HSPA8: variants seen among roughly 807,000 people sequenced by gnomAD.
The protein encoded by HSPA8 is heat shock cognate 71 kDa protein.
Under a neutral mutation model 52.8 loss-of-function variants are expected in HSPA8, and 2 were observed. The observed-to-expected ratio is 0.04, with a 90% CI of 0.02 to 0.12. HSPA8 has a LOEUF of 0.12. Among genes scored for constraint, HSPA8 ranks in the 10% least tolerant of loss-of-function variants. The pLI, the probability that HSPA8 is intolerant of heterozygous loss-of-function variation, is 1.00. For missense variants in HSPA8, 349 were observed against 800.5 expected (o/e 0.44, Z 6.81); for synonymous variants, 436 against 274.0 (o/e 1.59, Z -5.84).
chr11:123,061,906 A>G (rs1284007697), intron 1 of HSPA8, 158 bp downstream of exon 1: 1 of 157,526 alleles, frequency 6.3e-6, no homozygotes, highest in Non-Finnish European at 1.4e-5. Flanking sequence ...TACCGCTGCC[A>G]TCCCACCGAA....
At position 123,060,611 on chromosome 11, in the gene HSPA8, T is replaced by C. The variant is rs769361497; in HGVS notation, c.393A>G (p.Ala131=). 1.2e-6 allele frequency: 2 copies of C among 1,613,744 alleles called. No homozygotes were observed. The highest frequency in any genetic ancestry group is 1.7e-6 in the Non-Finnish European group (2 of 1,179,696). ...SMVLTKMKEI[A]EAYLGKTVTN... ...ACCTCACCTTCCCAAGGTAGGCTTC[T>C]GCAATTTCCTTCATCTTTGTCAGAA... is the stretch of plus-strand genomic sequence containing the variant. The change falls in exon 3 of 9, where the codon GCA becomes GCG. Residue 131 remains alanine (A), a synonymous_variant. Coordinates refer to ENST00000534624, the MANE Select transcript of HSPA8 (RefSeq NM_006597.6).
At position 123,059,891 on chromosome 11, in the gene HSPA8, G is replaced by A. The variant is rs1177596300; in HGVS notation, c.702C>T (p.Asp234=). ...CAATAAAATGGTTGACCATTCGGTT[G>A]TCAAAATCTTCTCCACCCAAGTGGG... ...GDTHLGGEDF[D]NRMVNHFIAE... is the part of the protein sequence containing the mutation. The change falls in exon 5 of 9, where the codon GAC becomes GAT. Residue 234 remains aspartate, a synonymous_variant. Transcript: ENST00000534624. The A allele has an allele frequency of 6.8e-6, 11 of 1,613,386 alleles. No homozygotes were observed. The highest frequency in any genetic ancestry group is 1.8e-4 in the Middle Eastern group (1 of 5,698).
In HSPA8 at chr11:123,058,394, G is replaced by A. The variant is rs1865381905; in HGVS notation, c.1613C>T (p.Ser538Phe). The change falls in exon 8 of 9, where the codon TCC (serine) becomes TTC (phenylalanine). Residue 538 changes from serine (S) to phenylalanine (F), a missense_variant. Transcript: ENST00000534624. ...GGCATAGGACTCAAGTGAATTCTTG[G>A]ATGACACCTTGTCCCTCTGCTTCTC... ...EDEKQRDKVS[S>F]KNSLESYAFN... The A allele has an allele frequency of 1.9e-6, 3 of 1,613,726 alleles. No individual in the cohort carries two copies. Among genetic ancestry groups the A allele is most frequent in the Admixed American group, 1.7e-5 (1 of 59,996 alleles).
At position 123,059,217 on chromosome 11, in the gene HSPA8, G is replaced by T; in HGVS notation, c.1165C>A (p.Gln389Lys). ...GTGACATCCAAGAGCAGCAAATCTTGAACATTCTCAGACTTGTCTCCAGAC... is the reference window on the plus strand; with the variant it reads ...GTGACATCCAAGAGCAGCAAATCTTTAACATTCTCAGACTTGTCTCCAGAC... ...ILSGDKSENV[Q>K]DLLLLDVTPL... Residue 389 changes from glutamine (Q) to lysine (K), a missense_variant, in exon 6 of 9, where the codon CAA (glutamine) becomes AAA (lysine). Transcript: ENST00000534624. 1 of 1,612,494 alleles carries T rather than the reference G, an allele frequency of 6.2e-7. No homozygotes were observed. The highest frequency in any genetic ancestry group is 8.5e-7 in the Non-Finnish European group (1 of 1,179,936).
Position 123,059,129 on chromosome 11 carries a change from G to C in HSPA8, c.1253C>G (p.Thr418Ser). ...CTGTGTCTGCTTGGTAGGAATGGTG[G>C]TATTACGCTTGATGAGGACAGTCAT... Reference protein sequence around the residue: ...GVMTVLIKRNTTIPTKQTQTF... With the variant: ...GVMTVLIKRNSTIPTKQTQTF... The change falls in exon 6 of 9, where the codon ACC becomes AGC. Residue 418 changes from threonine (T) to serine (S), a missense_variant. Transcript: ENST00000534624. The C allele has an allele frequency of 6.2e-7, 1 of 1,612,122 alleles. No homozygotes were observed. The highest frequency in any genetic ancestry group is 8.5e-7 in the Non-Finnish European group (1 of 1,179,966).
intron 7 of HSPA8, 58 bp from the exon 8 acceptor site, chr11:123,058,542 T>C: frequency 1.3e-6 from 2 of 1,576,076 alleles, no homozygotes; most frequent in South Asian, 1.1e-5. Flanking sequence ...TGTGTAACTC[T>C]AGTTTCTCTT....
At position 123,059,698 on chromosome 11, in the gene HSPA8, G is replaced by A; in HGVS notation, c.895C>T (p.Arg299Cys). The A allele has an allele frequency of 6.2e-7, 1 of 1,613,924 alleles. No individual in the cohort carries two copies. The highest frequency in any genetic ancestry group is 8.5e-7 in the Non-Finnish European group (1 of 1,179,880). ...EGIDFYTSIT[R>C]ARFEELNADL... ...GCATTCAGTTCTTCAAATCGGGCAC[G>A]GGTAATGGAGGTATAGAAGTCGATT... Residue 299 changes from arginine to cysteine, a missense_variant, in exon 5 of 9, where the codon CGT (arginine) becomes TGT (cysteine). By Grantham distance (180) the Arg-to-Cys change is radical (BLOSUM62 -3). Coordinates refer to ENST00000534624, the MANE Select transcript of HSPA8 (RefSeq NM_006597.6).
chr11:123,061,409 G>A lies in HSPA8; in HGVS notation c.-5-80C>T, dbSNP rs1027078614. ...ATCCCTTAACAGAACACTTAACCAG[G>A]AAAAACGTATGGCCACTGCCAAGAG... is the stretch of plus-strand genomic sequence containing the variant. On this transcript the variant is annotated intron_variant, in intron 1 of 8. Coordinates refer to ENST00000534624, the MANE Select transcript of HSPA8 (RefSeq NM_006597.6). 10 of 1,136,336 alleles carry A rather than the reference G, an allele frequency of 8.8e-6. No homozygotes were observed. In the Middle Eastern group the frequency reaches 7.8e-4, roughly 89 times the overall value. The allele number at this position is 1,136,336 out of a possible 1,614,324, so 70.4% of individuals were successfully genotyped here. A position where few individuals can be genotyped will look rare whatever the true frequency, so the allele number is the denominator to read the frequency against.
intron 6 of HSPA8, 95 bp downstream of exon 6, chr11:123,058,964 A>G: frequency 7.1e-7 from 1 of 1,410,674 alleles, no homozygotes; most frequent in South Asian, 1.2e-5. Context: ...GGTGGAAACT[A>G]CGAATGGTTT....
chr11:123,061,059 T>C, intron 2 of HSPA8, 61 bp downstream of exon 2: 2 of 1,451,802 alleles, frequency 1.4e-6, no homozygotes, highest in Non-Finnish European at 1.9e-6. Context: ...TCACGTTTCA[T>C]AAACTTTTGT....
In HSPA8 at chr11:123,058,243, A is replaced by AAAAC; in HGVS notation, c.1755+8_1755+9insGTTT. The stretch of plus-strand genomic sequence containing the variant: ...TGGGGGAGGAAAAAAAAAAAAAAAA[A>AAAAC]ACACAAACCTGATTCTTATCAAGCC... On this transcript the variant is annotated intron_variant, in intron 8 of 8. Coordinates refer to ENST00000534624, the MANE Select transcript of HSPA8 (RefSeq NM_006597.6). 4 of 1,510,628 alleles carry AAAAC rather than the reference A, an allele frequency of 2.6e-6. No homozygotes were observed. The highest frequency in any genetic ancestry group is 2.7e-6 in the Non-Finnish European group (3 of 1,102,916). The allele number at this position is 1,510,628 out of a possible 1,614,324, so 93.6% of individuals were successfully genotyped here.
rs186830244 is a variant in HSPA8, at chr11:123,062,122, G to A, written c.-64C>T. On this transcript the variant is annotated 5_prime_UTR_variant, in exon 1 of 9. Coordinates refer to ENST00000534624, the MANE Select transcript of HSPA8 (RefSeq NM_006597.6). Reference sequence around the variant, plus strand: ...AGCCACAAAAAACCCAAGAGCTGCAGGCGAGTTCAATGAGACCGGTTTCCG... The same window carrying A: ...AGCCACAAAAAACCCAAGAGCTGCAAGCGAGTTCAATGAGACCGGTTTCCG... 143 of 152,984 alleles carry A rather than the reference G, an allele frequency of 9.3e-4. No homozygotes were observed. Among genetic ancestry groups the A allele is most frequent in the African/African-American group, 1.1e-3 (44 of 41,568 alleles). The allele number at this position is 152,984 out of a possible 1,614,324, so 9.5% of individuals were successfully genotyped here.
At chr11:123,060,325 C>G (rs1865454492) in intron 3 of HSPA8, 57 bp from the exon 4 acceptor site, 1 of 1,516,738 alleles carries the variant, frequency 6.6e-7, no homozygotes. Context: ...TATATGCAAA[C>G]TCCAGCAAAT....
rs1865533172 is a variant in HSPA8, at chr11:123,062,117, CT to C, written c.-60del. On this transcript the variant is annotated 5_prime_UTR_variant, in exon 1 of 9. Transcript: ENST00000534624. The stretch of plus-strand genomic sequence containing the variant: ...AAGGAAGCCACAAAAAACCCAAGAG[CT>C]GCAGGCGAGTTCAATGAGACCGGTT... 6.5e-6 allele frequency: 1 copy of C among 152,930 alleles called. No individual in the cohort carries two copies. The highest frequency in any genetic ancestry group is 1.5e-5 in the Non-Finnish European group (1 of 68,628). The allele number at this position is 152,930 out of a possible 1,614,324, so 9.5% of individuals were successfully genotyped here.
rs1865460516 is a variant in HSPA8 at position 123,060,462 on chromosome 11, G to A, written c.411+131C>T. The A allele has an allele frequency of 7.7e-6, 7 of 903,916 alleles. No individual in the cohort carries two copies. The South Asian group carries it at 9.3e-5, about 12-fold the overall frequency. The allele number at this position is 903,916 out of a possible 1,614,324, so 56.0% of individuals were successfully genotyped here. A position where few individuals can be genotyped will look rare whatever the true frequency, so the allele number is the denominator to read the frequency against. ...ATCTACCTAGAGAGCCTAGGGCACTGTTGGGCACGTGGTCTTAACCCTGAG... is the reference window on the plus strand; with the variant it reads ...ATCTACCTAGAGAGCCTAGGGCACTATTGGGCACGTGGTCTTAACCCTGAG... On this transcript the variant is annotated intron_variant, in intron 3 of 8. Coordinates refer to ENST00000534624, the MANE Select transcript of HSPA8 (RefSeq NM_006597.6).
chr11:123,060,366 C>T, intron 3 of HSPA8, 98 bp from the exon 4 acceptor site: 2 of 1,157,006 alleles, frequency 1.7e-6, no homozygotes, highest in Non-Finnish European at 2.5e-6. Flanking sequence ...ACAGCTGGAG[C>T]ACCCCCCCCA....
intron 8 of HSPA8, 63 bp downstream of exon 8, chr11:123,058,189 G>T: frequency 9.8e-7 from 1 of 1,025,326 alleles, no homozygotes; most frequent in South Asian, 1.4e-5. Context: ...GCTCAAGCTT[G>T]GTTTACCATC....
chr11:123,060,897 T>A, intron 2 of HSPA8, 99 bp from the exon 3 acceptor site: 1 of 1,089,104 alleles, frequency 9.2e-7, no homozygotes, highest in Non-Finnish European at 1.4e-6. Flanking sequence ...CATAGGTAGG[T>A]GAATTCAACT....
Position 123,061,337 on chromosome 11 carries a change from A to G in HSPA8, c.-5-8T>C, listed in dbSNP as rs753289525. ...GTCCCTTGGACATGGTTGCTGAAAA[A>G]AAGAAAAATCTGGTTTAAAAATTCA... On this transcript the variant is annotated splice_region_variant and splice_polypyrimidine_tract_variant and intron_variant, in intron 1 of 8. Coordinates refer to ENST00000534624, the MANE Select transcript of HSPA8 (RefSeq NM_006597.6). 6.2e-7 allele frequency: 1 copy of G among 1,606,544 alleles called. No individual in the cohort carries two copies. The highest frequency in any genetic ancestry group is 8.5e-7 in the Non-Finnish European group (1 of 1,173,876).
Sources: gnomAD v4.1 joint callset for allele counts on GRCh38, gnomAD v4.1.1 for gene constraint, MANE v1.5 for transcripts, NCBI Gene and HGNC (gene_info 2026-07-23, HGNC 2026-07-21) for gene names.